HK1: variants seen among roughly 807,000 people sequenced by gnomAD.
HK1 encodes hexokinase-1.
HK1 carries 28 observed loss-of-function variants against 91.6 expected under a neutral mutation model. The observed-to-expected ratio is 0.31, with a 90% CI of 0.23 to 0.42. The LOEUF (loss-of-function observed/expected upper bound fraction) is 0.42, where lower values mean the gene tolerates loss of function less well. Among genes scored for constraint, HK1 ranks in the 10% least tolerant of loss-of-function variants. The pLI, the probability that HK1 is intolerant of heterozygous loss-of-function variation, is 1.00. For synonymous variants in HK1, 430 were observed against 468.1 expected, an observed-to-expected ratio of 0.92 and a Z score of 1.05; for missense variants, 770 against 1,219.8, an observed-to-expected ratio of 0.63 and a Z score of 5.49.
At chr10:69,391,985 G>A (rs1054431502) in intron 14 of HK1, 140 bp from the exon 15 acceptor site, 42 of 799,680 alleles carry the variant, frequency 5.3e-5, no homozygotes, top group Non-Finnish European at 8.2e-5. Flanking sequence ...TTTCAAAATT[G>A]GGAAAGAAAA....
In HK1 at chr10:69,374,380, G is replaced by A. The variant is rs1230915734; in HGVS notation, c.876-2554G>A. 3.9e-5 allele frequency among the ~76,000 whole-genome samples: 6 copies of A among 152,188 alleles called. 1 individual carries two copies. The highest frequency in any genetic ancestry group is 1.2e-4 in the African/African-American group (5 of 41,446). ...AGATTGGTTGGAACGCTGCCACGCC[G>A]CCTCTCACTGCCTGTCTGTGGTCGT... On this transcript the variant is annotated intron_variant, in intron 7 of 17. Transcript: ENST00000359426.
At chr10:69,329,255 C>T (rs957834241) in intron 1 of HK1, among the ~76,000 whole-genome samples, 6 of 151,862 alleles carry the variant, frequency 4.0e-5, no homozygotes, top group South Asian at 2.1e-4. Flanking sequence ...CTCTGCCTCC[C>T]GGGTTCAAGT....
chr10:69,343,793 G>T, intron 1 of HK1, 34 bp from the exon 2 acceptor site: 2 of 1,577,758 alleles, frequency 1.3e-6, no homozygotes, highest in Non-Finnish European at 1.7e-6. Context: ...CCTCCCCCTC[G>T]ACCTCACTCT....
At chr10:69,274,730 C>G (rs898977493) in intron 1 of HK1, among the ~76,000 whole-genome samples, 3 of 151,958 alleles carry the variant, frequency 2.0e-5, no homozygotes, top group African/African-American at 7.3e-5. Flanking sequence ...ATCTAGCCTT[C>G]TTTACTGCCC....
At chr10:69,297,463 C>A (rs2132485214) in intron 4 of HK1, among the ~76,000 whole-genome samples, 1 of 152,260 alleles carries the variant, frequency 6.6e-6, no homozygotes, top group East Asian at 1.9e-4. Flanking sequence ...TCCATTGTCA[C>A]CAACTTTTTA....
chr10:69,287,865 G>A (rs758929010), intron 2 of HK1, among the ~76,000 whole-genome samples: 7 of 152,026 alleles, frequency 4.6e-5, no homozygotes, highest in African/African-American at 9.7e-5. Context: ...TAGACTGAAT[G>A]CAGTGGCTTA....
intron 13 of HK1, 71 bp from the exon 14 acceptor site, chr10:69,389,126 G>C: frequency 8.4e-7 from 1 of 1,187,806 alleles, no homozygotes; most frequent in Non-Finnish European, 1.2e-6. Flanking sequence ...CAGTGCAACA[G>C]ACAGAACCGG....
chr10:69,350,438 G>A (rs1483486321), intron 2 of HK1, among the ~76,000 whole-genome samples: 11 of 152,112 alleles, frequency 7.2e-5, no homozygotes, highest in South Asian at 2.1e-4. Flanking sequence ...CGAGGTGGGC[G>A]GATCACAAGG....
intron 1 of HK1, among the ~76,000 whole-genome samples, chr10:69,340,350 C>T (rs1036781271): frequency 2.0e-5 from 3 of 152,308 alleles, no homozygotes; most frequent in South Asian, 2.1e-4. Flanking sequence ...CCTGGGTTCA[C>T]GCGATTCTCA....
chr10:69,366,482 GC>G (rs994784393), intron 4 of HK1, among the ~76,000 whole-genome samples: 2 of 152,108 alleles, frequency 1.3e-5, no homozygotes, highest in African/African-American at 4.8e-5. Context: ...AGCACAGCAG[GC>G]CAAGATGAGC....
chr10:69,344,798 T>C (rs1848468368), intron 2 of HK1, among the ~76,000 whole-genome samples: 1 of 151,996 alleles, frequency 6.6e-6, no homozygotes, highest in Non-Finnish European at 1.5e-5. Context: ...GTGAATGCTG[T>C]GCTTGCTCCA....
upstream of HK1, chr10:69,315,710 G>C (rs1343856816): frequency 5.2e-6 from 3 of 575,802 alleles, no homozygotes; most frequent in South Asian, 3.6e-5. Flanking sequence ...GATTGGGGCA[G>C]ATAGGACCAG....
At chr10:69,300,537 TG>T in intron 4 of HK1, 1 of 707,220 alleles carries the variant, frequency 1.4e-6, no homozygotes, top group Non-Finnish European at 2.5e-6. Context: ...ACTGGCCAGA[TG>T]GAAGCAGATT....
At chr10:69,327,089 C>G (rs558780270) in intron 1 of HK1, among the ~76,000 whole-genome samples, 9 of 148,942 alleles carry the variant, frequency 6.0e-5, no homozygotes, top group African/African-American at 2.0e-4. Flanking sequence ...ACAGCAACCT[C>G]TGCCTCCTGG....
At chr10:69,355,420 A>C (rs987063936) in intron 2 of HK1, among the ~76,000 whole-genome samples, 1 of 152,264 alleles carries the variant, frequency 6.6e-6, no homozygotes, top group Non-Finnish European at 1.5e-5. Context: ...TCAGCAAAGC[A>C]ACAGTAATCA....
At chr10:69,278,865 G>A (rs552588635) in intron 1 of HK1, 1 of 152,306 alleles carries the variant, frequency 6.6e-6, no homozygotes, top group South Asian at 2.1e-4. Flanking sequence ...GCAGTGGTGG[G>A]CACATGAGCT....
intron 1 of HK1, among the ~76,000 whole-genome samples, chr10:69,325,218 A>AT (rs760289522): frequency 2.1e-5 from 3 of 142,478 alleles, no homozygotes; most frequent in Non-Finnish European, 4.6e-5. Flanking sequence ...CTCCCGTCTA[A>AT]TTTTTTGTAT....
At chr10:69,367,737 A>G (rs1849781033) in intron 4 of HK1, among the ~76,000 whole-genome samples, 1 of 152,046 alleles carries the variant, frequency 6.6e-6, no homozygotes, top group Non-Finnish European at 1.5e-5. Flanking sequence ...GAATCTTCCA[A>G]CCCTGCTGCA....
Position 69,382,569 on chromosome 10 carries a change from G to A in HK1, c.1348G>A (p.Gly450Ser), listed in dbSNP as rs1839444255. 3.7e-6 allele frequency: 6 copies of A among 1,614,158 alleles called. No homozygotes were observed. Among genetic ancestry groups the A allele is most frequent in the South Asian group, 1.1e-5 (1 of 91,086 alleles). ...CTTCCTCCTCTCGGAGAGTGGCAGC[G>A]GCAAGGGGGCTGCCATGGTGACGGC... ...VRFLLSESGS[G>S]KGAAMVTAVA... Residue 450 changes from glycine to serine, a missense_variant, in exon 10 of 18, where the codon GGC (glycine) becomes AGC (serine). Physicochemically the swap from Gly to Ser is moderately conservative, Grantham distance 56 (BLOSUM62 0). Coordinates refer to ENST00000359426, the MANE Select transcript of HK1 (RefSeq NM_000188.3).
Sources: allele counts gnomAD v4.1 joint callset (sites outside exome capture counted in the v4.1 genomes callset), GRCh38; gene constraint gnomAD v4.1.1; transcripts MANE v1.5; gene names NCBI Gene and HGNC (gene_info 2026-07-23, HGNC 2026-07-21).